The following DNAH1 variants were observed in gnomAD, a reference collection of about 807,000 sequenced individuals.
DNAH1 encodes the protein axonemal beta dynein heavy chain 1.
Under a neutral mutation model 484.3 loss-of-function variants are expected in DNAH1, and 327 were observed. The ratio of observed to expected loss-of-function variants is 0.68; its 90% CI spans 0.62 to 0.74. The LOEUF is 0.74. Ranked by LOEUF, DNAH1 falls within the 30% of genes least tolerant of loss-of-function variation. The probability of loss-of-function intolerance (pLI) is 0.00; values close to 1 mark genes in which losing one functional copy is unlikely to be tolerated. For missense variants in DNAH1, 5,052 were observed against 5,546.8 expected (o/e 0.91, Z 2.83); for synonymous variants, 2,192 against 2,191.9 (o/e 1.00, Z 0.00).
At position 52,370,118 on chromosome 3, in the gene DNAH1, C is replaced by A; in HGVS notation, c.6147C>A (p.Ile2049=). 6.2e-7 allele frequency: 1 copy of A among 1,614,012 alleles called. No homozygotes were observed. The highest frequency in any genetic ancestry group is 1.7e-5 in the Admixed American group (1 of 60,022). The change falls in exon 39 of 78, where the codon ATC becomes ATA. Residue 2049 remains isoleucine (I), a synonymous_variant. Coordinates refer to ENST00000420323, the MANE Select transcript of DNAH1 (RefSeq NM_015512.5). ...ALFVSFLEES[I]SFVRSSVKEV... is the part of the protein sequence containing the mutation. ...GTGCCTACTCCCTGCAGGAATCCAT[C>A]TCCTTCGTTCGGTCCTCAGTGAAGG...
chr3:52,377,469 G>A (rs551713707), intron 46 of DNAH1, among the ~76,000 whole-genome samples: 48 of 151,720 alleles, frequency 3.2e-4, no homozygotes, highest in Non-Finnish European at 5.7e-4. Flanking sequence ...TCTATCTTCC[G>A]CTTGGGGCCA....
At chr3:52,399,514 G>A (rs373727967) in intron 76 of DNAH1, 31 bp from the exon 77 acceptor site, 5 of 1,555,872 alleles carry the variant, frequency 3.2e-6, no homozygotes, top group Non-Finnish European at 4.4e-6. Context: ...GTATTGTTAT[G>A]TGTGTGGGGT....
rs188705399 is a variant in DNAH1, at chr3:52,379,984, G to A, written c.7457G>A (p.Arg2486His). Residue 2486 changes from arginine to histidine, a missense_variant, in exon 48 of 78, where the codon CGC (arginine) becomes CAC (histidine). Arg to His is a conservative substitution (Grantham distance 29). Around this residue, in one of 4 missense-constraint regions of DNAH1, gnomAD observed 2,929 missense variants for 3,409.4 expected, o/e 0.86. Transcript: ENST00000420323. The surrounding 1 kb of genome is among the most constrained non-coding windows in gnomAD (Gnocchi z 4.4). ...FRDRLVNEEDRSWFDQLLKRC... is the reference protein window; with the variant it reads ...FRDRLVNEEDHSWFDQLLKRC... The stretch of plus-strand genomic sequence containing the variant: ...GACCGACTGGTGAATGAGGAGGACC[G>A]CAGCTGGTTCGACCAGCTCCTCAAG... 4.0e-5 allele frequency: 63 copies of A among 1,587,804 alleles called. No individual in the cohort carries two copies. The East Asian group carries it at 7.6e-4, about 19-fold the overall frequency.
chr3:52,312,764 T>TG (rs1700830171), upstream of DNAH1, among the ~76,000 whole-genome samples: 1 of 152,172 alleles, frequency 6.6e-6, no homozygotes, highest in South Asian at 2.1e-4. Flanking sequence ...ACCATTCTCT[T>TG]GCCTCAGCCT....
At chr3:52,398,312 T>C in intron 75 of DNAH1, 150 bp downstream of exon 75, 1 of 1,087,294 alleles carries the variant, frequency 9.2e-7, no homozygotes, top group East Asian at 2.7e-5. Flanking sequence ...ACACGGAGTC[T>C]CTCTCTGTTG....
Position 52,386,711 on chromosome 3 carries a change from C to T in DNAH1, c.8861C>T (p.Ala2954Val), listed in dbSNP as rs868824068. 1.9e-6 allele frequency: 3 copies of T among 1,593,096 alleles called. No individual in the cohort carries two copies. Among genetic ancestry groups the T allele is most frequent in the Non-Finnish European group, 1.7e-6 (2 of 1,170,192 alleles). ...CCGGGTGTGAAACTGGTCATAGAAG[C>T]TGTGTGCATTATGAAAGGCATCAAG... ...PPPGVKLVIE[A>V]VCIMKGIKPK... Residue 2954 changes from alanine (A) to valine (V), a missense_variant, in exon 56 of 78, where the codon GCT becomes GTT. Ala to Val is a moderately conservative substitution (Grantham distance 64). Around this residue, in one of 4 missense-constraint regions of DNAH1, gnomAD observed 2,929 missense variants for 3,409.4 expected, o/e 0.86. Transcript: ENST00000420323.
Position 52,393,371 on chromosome 3 carries a change from C to T in DNAH1, c.10512C>T (p.Tyr3504=), listed in dbSNP as rs752950737. 2 of 1,614,046 alleles carry T rather than the reference C, an allele frequency of 1.2e-6. No individual in the cohort carries two copies. Among genetic ancestry groups the T allele is most frequent in the Non-Finnish European group, 1.7e-6 (2 of 1,179,902 alleles). ...LKKRISNINR[Y]LTYSLYSNVC... Reference sequence around the variant, plus strand: ...AGCGCATCTCCAACATCAACCGCTACCTGACCTACAGCCTCTACAGCAACG... The same window carrying T: ...AGCGCATCTCCAACATCAACCGCTATCTGACCTACAGCCTCTACAGCAACG... Residue 3504 remains tyrosine, a synonymous_variant, in exon 66 of 78, where the codon TAC becomes TAT. Transcript: ENST00000420323.
chr3:52,359,935 T>G lies in DNAH1; in HGVS notation c.4427T>G (p.Leu1476Arg), dbSNP rs1702784738. The part of the protein sequence containing the change: ...LCQQLSDLVA[L>R]VRGKLSRMQR... Reference sequence around the variant, plus strand: ...CTGCAGCTCAGTGATCTGGTGGCCCTTGTGCGGGGGAAGCTGTCCCGCATG... The same window carrying G: ...CTGCAGCTCAGTGATCTGGTGGCCCGTGTGCGGGGGAAGCTGTCCCGCATG... Residue 1476 changes from leucine to arginine, a missense_variant, in exon 27 of 78, where the codon CTT becomes CGT. Leu to Arg is a moderately radical substitution (Grantham distance 102). This residue lies in a region of DNAH1 where 2,929 missense variants were observed against 3,409.4 expected (regional missense o/e 0.86). Coordinates refer to ENST00000420323, the MANE Select transcript of DNAH1 (RefSeq NM_015512.5). The G allele has an allele frequency of 6.2e-7, 1 of 1,613,698 alleles. No individual in the cohort carries two copies. The highest frequency in any genetic ancestry group is 1.1e-5 in the South Asian group (1 of 91,086).
Position 52,396,710 on chromosome 3 carries a change from C to G in DNAH1, c.11523C>G (p.Ile3841Met), listed in dbSNP as rs770660556. 5 of 1,613,824 alleles carry G rather than the reference C, an allele frequency of 3.1e-6. No homozygotes were observed. Among genetic ancestry groups the G allele is most frequent in the Non-Finnish European group, 4.2e-6 (5 of 1,179,894 alleles). Reference protein sequence around the residue: ...RRKFGPLGFNIPYEFTDGDLR... With the variant: ...RRKFGPLGFNMPYEFTDGDLR... The stretch of plus-strand genomic sequence containing the variant: ...AGTTTGGGCCCCTGGGCTTCAACAT[C>G]CCCTATGAGTTCACGGATGGAGATC... Residue 3841 changes from isoleucine to methionine, a missense_variant, in exon 72 of 78, where the codon ATC (isoleucine) becomes ATG (methionine). Physicochemically the swap from Ile to Met is conservative, Grantham distance 10 (BLOSUM62 1). Coordinates refer to ENST00000420323, the MANE Select transcript of DNAH1 (RefSeq NM_015512.5).
At chr3:52,383,155 G>A (rs1269988825) in intron 50 of DNAH1, among the ~76,000 whole-genome samples, 1 of 152,218 alleles carries the variant, frequency 6.6e-6, no homozygotes, top group East Asian at 1.9e-4. Context: ...CCCCCAGTGA[G>A]GACCCAGTGT....
In DNAH1 at chr3:52,361,612, A is replaced by G. The variant is rs2153224383; in HGVS notation, c.4875-49A>G. The G allele has an allele frequency of 6.5e-7, 1 of 1,537,484 alleles. No individual in the cohort carries two copies. Among genetic ancestry groups the G allele is most frequent in the Non-Finnish European group, 8.8e-7 (1 of 1,133,320 alleles). On this transcript the variant is annotated intron_variant, in intron 29 of 77. Coordinates refer to ENST00000420323, the MANE Select transcript of DNAH1 (RefSeq NM_015512.5). The surrounding 1 kb of genome is among the most constrained non-coding windows in gnomAD (Gnocchi z 5.6). ...GGGGCCCTCAGAGGGAGGTGCCCAG[A>G]TTGGGCTCTGAACACATGTGCCCCA... is the stretch of plus-strand genomic sequence containing the variant.
chr3:52,384,133 C>A (rs573327918), intron 52 of DNAH1, 102 bp downstream of exon 52: 3 of 1,241,758 alleles, frequency 2.4e-6, no homozygotes, highest in Non-Finnish European at 3.2e-6. Flanking sequence ...GGCCCACCAC[C>A]GAGGGTAAGC....
chr3:52,397,775 T>C lies in DNAH1; in HGVS notation c.11856T>C (p.Asn3952=), dbSNP rs367910038. 6.2e-7 allele frequency: 1 copy of C among 1,613,838 alleles called. No homozygotes were observed. The highest frequency in any genetic ancestry group is 2.2e-5 in the East Asian group (1 of 44,878). Residue 3952 remains asparagine, a synonymous_variant, in exon 74 of 78, where the codon AAT becomes AAC. Coordinates refer to ENST00000420323, the MANE Select transcript of DNAH1 (RefSeq NM_015512.5). The part of the protein sequence containing the change: ...DMPEIFGLHD[N]ANITFAQNET... ...CTGAGATCTTTGGCCTGCATGACAA[T>C]GCCAACATCACCTTTGCCCAGAACG... is the stretch of plus-strand genomic sequence containing the variant.
chr3:52,393,172 C>A (rs568895081), intron 65 of DNAH1, 147 bp downstream of exon 65: 2 of 1,418,516 alleles, frequency 1.4e-6, no homozygotes, highest in Non-Finnish European at 1.9e-6. Context: ...GCACACAGCA[C>A]GCCTACCCTC....
At chr3:52,380,759 CG>C (rs952145886) in intron 48 of DNAH1, among the ~76,000 whole-genome samples, 6 of 152,192 alleles carry the variant, frequency 3.9e-5, no homozygotes, top group African/African-American at 1.4e-4. Context: ...CCCCAGTACA[CG>C]GTGCTCTGAT....
In DNAH1 at chr3:52,358,753, C is replaced by A; in HGVS notation, c.4266+16C>A. On this transcript the variant is annotated intron_variant, in intron 25 of 77. Coordinates refer to ENST00000420323, the MANE Select transcript of DNAH1 (RefSeq NM_015512.5). This position sits in a 1 kb window ranked among gnomAD's most constrained non-coding sequence, Gnocchi z 4.2. ...CTACCCCACGGTGAGCCGCCCGCAG[C>A]CCGTGCAGCCTTCCACCCCTGCACC... 6.2e-7 allele frequency: 1 copy of A among 1,611,006 alleles called. No individual in the cohort carries two copies. The highest frequency in any genetic ancestry group is 8.5e-7 in the Non-Finnish European group (1 of 1,179,220).
chr3:52,396,064 G>A (rs1206239512), intron 70 of DNAH1, among the ~76,000 whole-genome samples: 4 of 151,378 alleles, frequency 2.6e-5, no homozygotes, highest in Non-Finnish European at 4.4e-5. Flanking sequence ...TCAGCCTCCC[G>A]AGTAGCTGGT....
intron 46 of DNAH1, among the ~76,000 whole-genome samples, chr3:52,376,504 C>T (rs1018210058): frequency 3.3e-5 from 5 of 152,184 alleles, no homozygotes; most frequent in African/African-American, 1.2e-4. Flanking sequence ...ACCTGCTTAC[C>T]TGCGCCCTGC....
rs764170329 is a variant in DNAH1 at position 52,327,993 on chromosome 3, A to G, written c.850A>G (p.Thr284Ala). 1.9e-6 allele frequency: 3 copies of G among 1,613,860 alleles called. No individual in the cohort carries two copies. Among genetic ancestry groups the G allele is most frequent in the Non-Finnish European group, 2.5e-6 (3 of 1,179,800 alleles). The change falls in exon 6 of 78, where the codon ACT becomes GCT. Residue 284 changes from threonine to alanine, a missense_variant. Thr to Ala is a moderately conservative substitution (Grantham distance 58). Coordinates refer to ENST00000420323, the MANE Select transcript of DNAH1 (RefSeq NM_015512.5). ...KPVPGKALLPTDDFLGHEDPK... is the reference protein window; with the variant it reads ...KPVPGKALLPADDFLGHEDPK... Reference sequence around the variant, plus strand: ...TGTCCCGGGAAAAGCCCTCTTGCCCACTGATGACTTCCTGGGGCATGGTGA... The same window carrying G: ...TGTCCCGGGAAAAGCCCTCTTGCCCGCTGATGACTTCCTGGGGCATGGTGA...
Sources: gnomAD v4.1 joint callset for allele counts (sites outside exome capture counted in the v4.1 genomes callset) on GRCh38, gnomAD v4.1.1 for gene constraint, gnomAD v4.1.1 regional missense constraint, Gnocchi (gnomAD v3.1) non-coding constraint, MANE v1.5 for transcripts, NCBI Gene and HGNC (gene_info 2026-07-23, HGNC 2026-07-21) for gene names.